Variants in ENOX1 observed in about 807,000 individuals in gnomAD.
The protein encoded by ENOX1 is ecto-NOX disulfide-thiol exchanger 1.
Under a neutral mutation model 82.5 loss-of-function variants are expected in ENOX1, and 42 were observed. That is an observed-to-expected ratio of 0.51 (90% CI 0.40 to 0.66). The LOEUF (loss-of-function observed/expected upper bound fraction) is 0.66. Among genes scored for constraint, ENOX1 ranks in the 30% least tolerant of loss-of-function variants. ENOX1 has a pLI of 0.00. For missense variants in ENOX1, 608 were observed against 811.6 expected, an observed-to-expected ratio of 0.75 and a Z score of 3.05; for synonymous variants, 271 against 282.2, an observed-to-expected ratio of 0.96 and a Z score of 0.40.
At chr13:43,375,325 C>T (rs775100965) in intron 5 of ENOX1, among the ~76,000 whole-genome samples, 4 of 152,052 alleles carry the variant, frequency 2.6e-5, no homozygotes, top group African/African-American at 9.7e-5. Context: ...GCTTGCAATC[C>T]ATGGTTCTCA....
At chr13:43,723,227 T>A (rs550267137) in intron 1 of ENOX1, among the ~76,000 whole-genome samples, 37 of 152,228 alleles carry the variant, frequency 2.4e-4, no homozygotes, top group African/African-American at 8.4e-4. Flanking sequence ...TTAAGCATCT[T>A]GAAAATCACT....
At chr13:43,771,664 ATC>A (rs1347997918) in intron 1 of ENOX1, among the ~76,000 whole-genome samples, 1 of 152,048 alleles carries the variant, frequency 6.6e-6, no homozygotes, top group African/African-American at 2.4e-5. Flanking sequence ...AAAGATAAAA[ATC>A]TCTATTTGTT....
chr13:43,729,899 A>G (rs1309420199), intron 1 of ENOX1, among the ~76,000 whole-genome samples: 7 of 152,186 alleles, frequency 4.6e-5, no homozygotes, highest in African/African-American at 7.2e-5. Context: ...CAAAGTGAGC[A>G]CTGCACTGGA....
At chr13:43,334,943 A>T (rs751823577) in intron 9 of ENOX1, among the ~76,000 whole-genome samples, 1 of 152,184 alleles carries the variant, frequency 6.6e-6, no homozygotes, top group Non-Finnish European at 1.5e-5. Flanking sequence ...AGACGGGAAG[A>T]GAGAGTTGGG....
At chr13:43,297,630 T>C (rs550024065) in intron 12 of ENOX1, among the ~76,000 whole-genome samples, 1 of 152,288 alleles carries the variant, frequency 6.6e-6, no homozygotes, top group South Asian at 2.1e-4. Flanking sequence ...AGTCAGATTT[T>C]CCCCTCCTGT....
At chr13:43,743,665 T>C (rs1234535806) in intron 1 of ENOX1, among the ~76,000 whole-genome samples, 2 of 152,214 alleles carry the variant, frequency 1.3e-5, no homozygotes, top group Admixed American at 1.3e-4. Context: ...GGATAAGTAC[T>C]GCAACACACA....
chr13:43,754,057 T>C (rs375277392), intron 1 of ENOX1, among the ~76,000 whole-genome samples: 1 of 139,146 alleles, frequency 7.2e-6, no homozygotes, highest in Non-Finnish European at 1.6e-5. Flanking sequence ...CACATATATA[T>C]ACATATATAC....
chr13:43,729,124 G>C (rs2089171053), intron 1 of ENOX1, among the ~76,000 whole-genome samples: 1 of 152,186 alleles, frequency 6.6e-6, no homozygotes, highest in Non-Finnish European at 1.5e-5. Flanking sequence ...CATTCAGTGA[G>C]AAAGTGGCAG....
In ENOX1 at chr13:43,481,682, C is replaced by T. The variant is rs2058513351; in HGVS notation, c.-75+2327G>A. On this transcript the variant is annotated intron_variant, in intron 3 of 16. Coordinates refer to ENST00000690772, the MANE Select transcript of ENOX1 (RefSeq NM_001347969.2). ...AGTAGAATTATATCAAATTAAAAGG[C>T]TTCCATGCAGCAAAGGAAGCAATCA... Among the ~76,000 whole-genome samples the T allele has an allele frequency of 2.0e-5, 3 of 152,064 alleles. No homozygotes were observed. In the South Asian group the frequency reaches 6.2e-4, roughly 32 times the overall value.
intron 9 of ENOX1, among the ~76,000 whole-genome samples, chr13:43,327,268 T>C (rs1378199063): frequency 6.6e-6 from 1 of 152,168 alleles, no homozygotes; most frequent in Non-Finnish European, 1.5e-5. Flanking sequence ...CATGATCACA[T>C]TCCATTATCA....
intron 2 of ENOX1, among the ~76,000 whole-genome samples, chr13:43,543,729 C>A (rs140335605): frequency 4.3e-4 from 63 of 146,742 alleles, no homozygotes; most frequent in Admixed American, 1.8e-3. Context: ...TCATTTCATG[C>A]CATGCATTGA....
intron 1 of ENOX1, among the ~76,000 whole-genome samples, chr13:43,681,084 A>G (rs1442770788): frequency 6.6e-6 from 1 of 152,168 alleles, no homozygotes; most frequent in Non-Finnish European, 1.5e-5. Context: ...CACTTGCTGC[A>G]GCCCTGCCCT....
chr13:43,228,414 T>C (rs542014927), intron 15 of ENOX1, among the ~76,000 whole-genome samples: 2 of 152,166 alleles, frequency 1.3e-5, no homozygotes, highest in Non-Finnish European at 1.5e-5. Context: ...TTTAAGTGCC[T>C]AATTTAAAAA....
chr13:43,770,679 G>C (rs866350278), intron 1 of ENOX1, among the ~76,000 whole-genome samples: 1 of 126,486 alleles, frequency 7.9e-6, no homozygotes. Flanking sequence ...TATAGTATAC[G>C]TATGTGTACA....
chr13:43,235,714 A>G (rs2042510395), intron 15 of ENOX1, among the ~76,000 whole-genome samples: 1 of 150,610 alleles, frequency 6.6e-6, no homozygotes. Context: ...CCTGGGCAAC[A>G]GAGTGAGACC....
intron 12 of ENOX1, among the ~76,000 whole-genome samples, chr13:43,281,101 G>A (rs2045353256): frequency 6.6e-6 from 1 of 152,150 alleles, no homozygotes; most frequent in South Asian, 2.1e-4. Flanking sequence ...GACAGGAACA[G>A]TTTCCCCATA....
chr13:43,695,540 C>T (rs1349216290), intron 1 of ENOX1, among the ~76,000 whole-genome samples: 5 of 150,256 alleles, frequency 3.3e-5, no homozygotes, highest in Admixed American at 6.7e-5. Context: ...CTCCATCTCC[C>T]GAGTTGAAGC....
intron 2 of ENOX1, among the ~76,000 whole-genome samples, chr13:43,551,962 T>C (rs1238341147): frequency 1.3e-5 from 2 of 152,174 alleles, no homozygotes; most frequent in Non-Finnish European, 2.9e-5. Flanking sequence ...TGGGTTTCGT[T>C]CTCAGCTTCT....
At chr13:43,288,824 C>T (rs1251933913) in intron 12 of ENOX1, among the ~76,000 whole-genome samples, 1 of 152,060 alleles carries the variant, frequency 6.6e-6, no homozygotes, top group Non-Finnish European at 1.5e-5. Flanking sequence ...TTACATTCTA[C>T]ATCTAAGTAT....
Sources: gnomAD v4.1 joint callset for allele counts (sites outside exome capture counted in the v4.1 genomes callset) on GRCh38, gnomAD v4.1.1 for gene constraint, MANE v1.5 for transcripts, NCBI Gene and HGNC (gene_info 2026-07-23, HGNC 2026-07-21) for gene names.